The following GLIS1 variants were observed in gnomAD, a reference collection of about 807,000 sequenced individuals.
GLIS1 encodes GLIS family zinc finger 1.
Under a neutral mutation model 63.8 loss-of-function variants are expected in GLIS1, and 24 were observed. That is an observed-to-expected ratio of 0.38 (90% confidence interval 0.27 to 0.53). The LOEUF (loss-of-function observed/expected upper bound fraction) is 0.53. Ranked by LOEUF, GLIS1 falls within the 20% of genes least tolerant of loss-of-function variation. GLIS1 has a pLI of 0.85. For synonymous variants in GLIS1, 450 were observed against 482.5 expected, an observed-to-expected ratio of 0.93 and a Z score of 0.88; for missense variants, 1,036 against 1,074.1, an observed-to-expected ratio of 0.96 and a Z score of 0.50.
chr1:53,685,414 G>A (rs774464096), intron 2 of GLIS1, among the ~76,000 whole-genome samples: 102 of 152,226 alleles, frequency 6.7e-4, no homozygotes, highest in Non-Finnish European at 9.7e-4. Context: ...AGCGCTGCCG[G>A]CCTGTGTACA....
At chr1:53,554,890 G>A (rs1040241891) in intron 4 of GLIS1, among the ~76,000 whole-genome samples, 1 of 152,192 alleles carries the variant, frequency 6.6e-6, no homozygotes, top group African/African-American at 2.4e-5. Flanking sequence ...CTCCATCAGG[G>A]CGTGTGAGGT....
chr1:53,556,699 C>T (rs1038838059), intron 4 of GLIS1, among the ~76,000 whole-genome samples: 5 of 143,720 alleles, frequency 3.5e-5, no homozygotes, highest in Non-Finnish European at 7.5e-5. Context: ...TGTGTGTGTG[C>T]AGGTGTACTG....
chr1:53,701,640 C>CCTGG (rs1646523555), intron 2 of GLIS1, among the ~76,000 whole-genome samples: 2 of 152,204 alleles, frequency 1.3e-5, no homozygotes, highest in Admixed American at 6.5e-5. Context: ...TGGCTCTTAA[C>CCTGG]CACCAGGACC....
At chr1:53,681,044 C>T (rs1392227008) in intron 2 of GLIS1, among the ~76,000 whole-genome samples, 3 of 152,354 alleles carry the variant, frequency 2.0e-5, no homozygotes, top group South Asian at 2.1e-4. Context: ...AGCCTGACTG[C>T]GCTGATACTA....
chr1:53,550,458 A>G (rs775035049), intron 4 of GLIS1, among the ~76,000 whole-genome samples: 4 of 152,250 alleles, frequency 2.6e-5, no homozygotes, highest in Non-Finnish European at 4.4e-5. Flanking sequence ...ACACTGAGTT[A>G]GGTTCAAACT....
At chr1:53,562,179 T>A (rs985123536) in intron 4 of GLIS1, among the ~76,000 whole-genome samples, 5 of 152,086 alleles carry the variant, frequency 3.3e-5, no homozygotes, top group Non-Finnish European at 7.4e-5. Context: ...AACACCACAG[T>A]GAGGGAAGGG....
chr1:53,547,317 C>G (rs556631798), intron 4 of GLIS1, among the ~76,000 whole-genome samples: 15 of 152,252 alleles, frequency 9.9e-5, no homozygotes, highest in Non-Finnish European at 1.9e-4. Flanking sequence ...TGATCCTTGG[C>G]CTCGGGGCTG....
At chr1:53,731,239 C>G (rs1646857120) in intron 2 of GLIS1, among the ~76,000 whole-genome samples, 1 of 152,200 alleles carries the variant, frequency 6.6e-6, no homozygotes, top group African/African-American at 2.4e-5. Context: ...TTTCCAGACC[C>G]CAGATTCCTG....
chr1:53,567,512 T>C (rs995448096), intron 4 of GLIS1, among the ~76,000 whole-genome samples: 6 of 152,194 alleles, frequency 3.9e-5, no homozygotes, highest in African/African-American at 1.4e-4. Context: ...CTGCAGAAAT[T>C]TGCATAAGAG....
chr1:53,534,168 G>A (rs1282332691), intron 4 of GLIS1, among the ~76,000 whole-genome samples: 3 of 152,114 alleles, frequency 2.0e-5, no homozygotes, highest in South Asian at 2.1e-4. Flanking sequence ...GGTTGTGGGG[G>A]CACAGATGCT....
intron 2 of GLIS1, among the ~76,000 whole-genome samples, chr1:53,612,955 A>C (rs1010143003): frequency 2.6e-5 from 4 of 152,058 alleles, no homozygotes; most frequent in African/African-American, 9.7e-5. Flanking sequence ...AGTAGCTGGA[A>C]CTACAGGCAC....
chr1:53,692,829 C>T (rs1418615228), intron 2 of GLIS1, among the ~76,000 whole-genome samples: 3 of 152,222 alleles, frequency 2.0e-5, no homozygotes, highest in South Asian at 2.1e-4. Context: ...TCCCTGCAGG[C>T]CCAGTTCTCT....
rs1028835135 is a variant in GLIS1, at chr1:53,560,776, C to T, written c.1321-30824G>A. Reference sequence around the variant, plus strand: ...CAGTGGATGCCTCAGAAGTGGCCCACGACAGTGGCGATGAGTCCTTGGACT... The same window carrying T: ...CAGTGGATGCCTCAGAAGTGGCCCATGACAGTGGCGATGAGTCCTTGGACT... On this transcript the variant is annotated intron_variant, in intron 4 of 10. Coordinates refer to ENST00000628545, the MANE Select transcript of GLIS1 (RefSeq NM_001367484.1). This position sits in a 1 kb window ranked among gnomAD's most constrained non-coding sequence, Gnocchi z 4.4. Among the ~76,000 whole-genome samples the T allele has an allele frequency of 7.2e-5, 11 of 152,198 alleles. No individual in the cohort carries two copies. Among genetic ancestry groups the T allele is most frequent in the Admixed American group, 2.6e-4 (4 of 15,290 alleles).
intron 2 of GLIS1, among the ~76,000 whole-genome samples, chr1:53,709,584 G>A (rs1646624662): frequency 6.6e-6 from 1 of 151,876 alleles, no homozygotes; most frequent in Admixed American, 6.6e-5. Context: ...AAATGGACAA[G>A]GAGGTGTACA....
Position 53,563,786 on chromosome 1 carries a change from G to T in GLIS1, c.1320+30322C>A, listed in dbSNP as rs77196511. Among the ~76,000 whole-genome samples the T allele has an allele frequency of 6.9e-3, 1,057 of 152,240 alleles. 21 individuals carry two copies. Among genetic ancestry groups the T allele is most frequent in the African/African-American group, 0.024 (981 of 41,536 alleles). ...AATTCAGACTATCACAGAAGTAGAA[G>T]AACTTAAAAGCAATAGACAGGAAAC... is the stretch of plus-strand genomic sequence containing the variant. On this transcript the variant is annotated intron_variant, in intron 4 of 10. Coordinates refer to ENST00000628545, the MANE Select transcript of GLIS1 (RefSeq NM_001367484.1).
chr1:53,664,470 A>C (rs1646066548), intron 2 of GLIS1, among the ~76,000 whole-genome samples: 1 of 152,242 alleles, frequency 6.6e-6, no homozygotes, highest in Non-Finnish European at 1.5e-5. Flanking sequence ...TGTCATCATC[A>C]CATGCAGACA....
At chr1:53,733,747 A>G (rs927554091) in intron 2 of GLIS1, among the ~76,000 whole-genome samples, 6 of 152,220 alleles carry the variant, frequency 3.9e-5, no homozygotes, top group African/African-American at 1.4e-4. Context: ...ACATTTGGCC[A>G]GCAGGTTTTT....
At chr1:53,603,875 G>A (rs918678948) in intron 2 of GLIS1, among the ~76,000 whole-genome samples, 14 of 152,226 alleles carry the variant, frequency 9.2e-5, no homozygotes, top group Admixed American at 7.2e-4. Context: ...AGTTGGGACT[G>A]GCTGACCATC....
chr1:53,541,747 C>T (rs182428669), intron 4 of GLIS1, among the ~76,000 whole-genome samples: 2 of 152,372 alleles, frequency 1.3e-5, no homozygotes, highest in East Asian at 3.9e-4. Context: ...ATCTGCAAAG[C>T]CCTTCTCTTC....
Sources: gnomAD v4.1 joint callset for allele counts (sites outside exome capture counted in the v4.1 genomes callset) on GRCh38, gnomAD v4.1.1 for gene constraint, Gnocchi (gnomAD v3.1) non-coding constraint, MANE v1.5 for transcripts, NCBI Gene and HGNC (gene_info 2026-07-23, HGNC 2026-07-21) for gene names.